Variants in TSHZ2 observed in about 807,000 individuals in gnomAD.
TSHZ2 encodes the protein teashirt homolog 2.
In TSHZ2, 21 loss-of-function variants were observed where a neutral mutation model predicts 74.4. The observed-to-expected ratio is 0.28, with a 90% confidence interval of 0.20 to 0.41. TSHZ2 has a LOEUF of 0.41. Ranked by LOEUF, TSHZ2 falls within the 10% of genes least tolerant of loss-of-function variation. The pLI is 1.00. For missense variants in TSHZ2, 1,244 were observed against 1,293.5 expected, an observed-to-expected ratio of 0.96 and a Z score of 0.59; for synonymous variants, 540 against 515.3, an observed-to-expected ratio of 1.05 and a Z score of -0.65.
At chr20:53,238,867 A>G (rs1307638846) in intron 1 of TSHZ2, among the ~76,000 whole-genome samples, 1 of 149,052 alleles carries the variant, frequency 6.7e-6, no homozygotes, top group Admixed American at 6.7e-5. Flanking sequence ...AAAAAGAGCT[A>G]CGCTACCTAC....
At chr20:53,319,488 T>A (rs1979161913) in intron 2 of TSHZ2, among the ~76,000 whole-genome samples, 1 of 152,222 alleles carries the variant, frequency 6.6e-6, no homozygotes, top group African/African-American at 2.4e-5. Context: ...AACCACTAGG[T>A]TGTCCCATCA....
chr20:52,996,993 T>C (rs917395855), intron 1 of TSHZ2, among the ~76,000 whole-genome samples: 1 of 152,066 alleles, frequency 6.6e-6, no homozygotes, highest in Non-Finnish European at 1.5e-5. Flanking sequence ...AGTAATTAAA[T>C]TGAGCTCGCT....
chr20:53,146,231 G>A (rs370911595), intron 1 of TSHZ2, among the ~76,000 whole-genome samples: 1 of 152,290 alleles, frequency 6.6e-6, no homozygotes, highest in South Asian at 2.1e-4. Flanking sequence ...ATCAGTGAAT[G>A]CAGTTGTGGG....
At chr20:53,150,586 TTCTAA>T (rs1390301796) in intron 1 of TSHZ2, among the ~76,000 whole-genome samples, 1 of 151,644 alleles carries the variant, frequency 6.6e-6, no homozygotes, top group Non-Finnish European at 1.5e-5. Context: ...TGTTGGTGGC[TTCTAA>T]TCTAAGGTAA....
At chr20:53,163,167 G>A (rs1380417407) in intron 1 of TSHZ2, among the ~76,000 whole-genome samples, 9 of 152,024 alleles carry the variant, frequency 5.9e-5, no homozygotes, top group South Asian at 2.1e-4. Context: ...TGTGATAGGC[G>A]TCACACCCAG....
intron 1 of TSHZ2, among the ~76,000 whole-genome samples, chr20:53,142,619 G>A (rs1262097815): frequency 6.6e-6 from 1 of 152,232 alleles, no homozygotes; most frequent in Non-Finnish European, 1.5e-5. Flanking sequence ...ATCAAGTTCA[G>A]AACAACAGCC....
chr20:53,304,340 G>A lies in TSHZ2; in HGVS notation c.*8+47769G>A, dbSNP rs186171684. Among the ~76,000 whole-genome samples, 48 of 151,800 alleles carry A rather than the reference G, an allele frequency of 3.2e-4. No individual in the cohort carries two copies. In the East Asian group the frequency reaches 6.2e-3, roughly 20 times the overall value. ...TCTAATATTTAGTTTTAGAGCTCCC[G>A]GTACTTATGGCATATGGCATTGCAC... is the stretch of plus-strand genomic sequence containing the variant. On this transcript the variant is annotated intron_variant, in intron 2 of 2. Transcript: ENST00000371497.
chr20:53,165,002 C>G (rs1399200336), intron 1 of TSHZ2, among the ~76,000 whole-genome samples: 1 of 152,192 alleles, frequency 6.6e-6, no homozygotes, highest in African/African-American at 2.4e-5. Context: ...CTTCTACTTT[C>G]CAATATCCCT....
At chr20:53,106,785 C>G (rs149201231) in intron 1 of TSHZ2, among the ~76,000 whole-genome samples, 5,567 of 150,280 alleles carry the variant, frequency 0.037, 174 homozygotes, top group African/African-American at 0.085. Flanking sequence ...GCAACCTCCA[C>G]CTCCCAGGTT....
At chr20:53,434,497 C>T (rs918853211) in intron 2 of TSHZ2, among the ~76,000 whole-genome samples, 2 of 152,126 alleles carry the variant, frequency 1.3e-5, no homozygotes, top group East Asian at 3.8e-4. Flanking sequence ...CTATGTGGTC[C>T]TGGAAATAGG....
At chr20:53,187,416 G>A (rs1004044599) in intron 1 of TSHZ2, among the ~76,000 whole-genome samples, 43 of 152,114 alleles carry the variant, frequency 2.8e-4, no homozygotes, top group African/African-American at 1.0e-3. Flanking sequence ...AAAGCAAACC[G>A]GTGTCTCGAG....
chr20:53,247,653 A>C (rs1182527703), intron 1 of TSHZ2, among the ~76,000 whole-genome samples: 1 of 152,152 alleles, frequency 6.6e-6, no homozygotes, highest in Non-Finnish European at 1.5e-5. Flanking sequence ...ACACGCTGAG[A>C]AATTCTCACG....
chr20:53,365,918 A>G (rs1291422612), intron 2 of TSHZ2, among the ~76,000 whole-genome samples: 3 of 152,242 alleles, frequency 2.0e-5, no homozygotes, highest in Non-Finnish European at 4.4e-5. Context: ...TGCCTCCAGC[A>G]CAAAAAGCCT....
At chr20:53,434,827 C>T (rs1482153335) in intron 2 of TSHZ2, among the ~76,000 whole-genome samples, 1 of 152,220 alleles carries the variant, frequency 6.6e-6, no homozygotes, top group East Asian at 1.9e-4. Flanking sequence ...GTTTGCAATG[C>T]TTTGGCCAAG....
intron 1 of TSHZ2, among the ~76,000 whole-genome samples, chr20:53,062,331 GA>G (rs767148159): frequency 6.6e-6 from 1 of 152,190 alleles, no homozygotes; most frequent in Non-Finnish European, 1.5e-5. Flanking sequence ...GGTCATATGG[GA>G]GGTTTTCGAG....
chr20:53,196,841 G>T lies in TSHZ2; in HGVS notation c.41-56658G>T, dbSNP rs1379327831. Among the ~76,000 whole-genome samples the T allele has an allele frequency of 2.6e-5, 4 of 152,228 alleles. No individual in the cohort carries two copies. The East Asian group carries it at 7.7e-4, about 29-fold the overall frequency. ...AGGCATATTTGCCAGATTTGCCATG[G>T]TGGCAAATTTAAATAAATTGTCCAG... On this transcript the variant is annotated intron_variant, in intron 1 of 2. Transcript: ENST00000371497.
chr20:52,976,607 A>C (rs535480361), intron 1 of TSHZ2, among the ~76,000 whole-genome samples: 2 of 152,242 alleles, frequency 1.3e-5, no homozygotes, highest in Non-Finnish European at 2.9e-5. Flanking sequence ...CAGAGTGGTT[A>C]AAAATTTAAA....
intron 2 of TSHZ2, among the ~76,000 whole-genome samples, chr20:53,338,955 C>G (rs994934204): frequency 6.6e-6 from 1 of 152,158 alleles, no homozygotes; most frequent in African/African-American, 2.4e-5. Flanking sequence ...ATGAAGCCTT[C>G]TTAGCAAAGC....
At chr20:53,460,481 C>A (rs1985313256) in intron 2 of TSHZ2, among the ~76,000 whole-genome samples, 1 of 152,106 alleles carries the variant, frequency 6.6e-6, no homozygotes, top group Non-Finnish European at 1.5e-5. Flanking sequence ...AACTTCTTTG[C>A]CTTTGGTTTG....
Sources: allele counts gnomAD v4.1 joint callset (sites outside exome capture counted in the v4.1 genomes callset), GRCh38; gene constraint gnomAD v4.1.1; transcripts MANE v1.5; gene names NCBI Gene and HGNC (gene_info 2026-07-23, HGNC 2026-07-21).